The following SH3GL3 variants were observed in gnomAD, a reference collection of about 807,000 sequenced individuals.
The protein encoded by SH3GL3 is SH3 domain containing GRB2 like 3, endophilin A3.
In SH3GL3, 33 loss-of-function variants were observed where a neutral mutation model predicts 47.7. That is an observed-to-expected ratio of 0.69 (90% CI 0.52 to 0.92). The LOEUF (loss-of-function observed/expected upper bound fraction) is 0.92, where lower values mean the gene tolerates loss of function less well. Among genes scored for constraint, SH3GL3 ranks in the 40% least tolerant of loss-of-function variants. The pLI is 0.00. For synonymous variants in SH3GL3, 155 were observed against 148.8 expected (o/e 1.04, Z -0.30); for missense variants, 363 against 417.8 (o/e 0.87, Z 1.14).
intron 1 of SH3GL3, among the ~76,000 whole-genome samples, chr15:83,519,008 G>C (rs189959503): frequency 7.2e-4 from 110 of 152,070 alleles, no homozygotes; most frequent in African/African-American, 2.5e-3. Context: ...TGGGTTGTCT[G>C]TTCTGTTCCA....
At chr15:83,489,997 A>G (rs1387094915) in intron 1 of SH3GL3, among the ~76,000 whole-genome samples, 1 of 152,168 alleles carries the variant, frequency 6.6e-6, no homozygotes, top group Non-Finnish European at 1.5e-5. Flanking sequence ...ATAAAAGGGA[A>G]CCAAATACTG....
intron 4 of SH3GL3, among the ~76,000 whole-genome samples, chr15:83,569,140 G>A (rs1177886912): frequency 6.6e-6 from 1 of 152,072 alleles, no homozygotes; most frequent in African/African-American, 2.4e-5. Context: ...CAAGTGATCC[G>A]CCTGCCTCGG....
chr15:83,595,136 C>T (rs186199270), intron 8 of SH3GL3, among the ~76,000 whole-genome samples: 6 of 152,214 alleles, frequency 3.9e-5, no homozygotes, highest in South Asian at 2.1e-4. Flanking sequence ...ATAAAGAAAA[C>T]GTACTACATA....
chr15:83,583,271 A>G (rs117913448), intron 6 of SH3GL3, among the ~76,000 whole-genome samples: 1 of 152,024 alleles, frequency 6.6e-6, no homozygotes, highest in East Asian at 1.9e-4. Context: ...AGGGTGTGCT[A>G]CTCTCTGCTT....
intron 1 of SH3GL3, among the ~76,000 whole-genome samples, chr15:83,484,911 G>A (rs1010338443): frequency 2.0e-5 from 3 of 152,128 alleles, no homozygotes; most frequent in Non-Finnish European, 2.9e-5. Flanking sequence ...ACAACAATGT[G>A]TCTTAATTTA....
intron 1 of SH3GL3, among the ~76,000 whole-genome samples, chr15:83,469,483 AC>A (rs2040732297): frequency 6.6e-6 from 1 of 152,080 alleles, no homozygotes; most frequent in Admixed American, 6.5e-5. Context: ...CTTTTATCTC[AC>A]TTCAGTTGTG....
intron 2 of SH3GL3, among the ~76,000 whole-genome samples, chr15:83,563,709 G>A (rs1015740533): frequency 2.0e-5 from 3 of 151,888 alleles, no homozygotes; most frequent in Non-Finnish European, 4.4e-5. Context: ...CGTGATCTCG[G>A]CTCACTGCAA....
At chr15:83,615,657 C>T (rs1229430803) in intron 8 of SH3GL3, among the ~76,000 whole-genome samples, 3 of 152,082 alleles carry the variant, frequency 2.0e-5, no homozygotes, top group African/African-American at 7.3e-5. Context: ...TGATATGGTA[C>T]TGTTACCAAA....
intron 1 of SH3GL3, among the ~76,000 whole-genome samples, chr15:83,542,638 A>G (rs2044219254): frequency 6.6e-6 from 1 of 152,058 alleles, no homozygotes; most frequent in African/African-American, 2.4e-5. Context: ...GTCCTCTTCA[A>G]TTTTTTGCAT....
chr15:83,607,198 T>C (rs1324091649), intron 8 of SH3GL3, among the ~76,000 whole-genome samples: 7 of 152,218 alleles, frequency 4.6e-5, no homozygotes, highest in Admixed American at 2.6e-4. Flanking sequence ...TCTTAACATA[T>C]ACTCTATAAT....
intron 1 of SH3GL3, among the ~76,000 whole-genome samples, chr15:83,505,922 A>G (rs191729930): frequency 6.7e-4 from 102 of 152,272 alleles, no homozygotes; most frequent in African/African-American, 2.2e-3. Context: ...TTCTTTACAT[A>G]TTCTGGACAC....
intron 1 of SH3GL3, among the ~76,000 whole-genome samples, chr15:83,546,273 T>C (rs1334709580): frequency 6.6e-6 from 1 of 151,772 alleles, no homozygotes; most frequent in African/African-American, 2.4e-5. Flanking sequence ...TTGCTCTCCT[T>C]TCCTCAAGCA....
At chr15:83,602,087 A>G (rs1176263974) in intron 8 of SH3GL3, among the ~76,000 whole-genome samples, 1 of 152,164 alleles carries the variant, frequency 6.6e-6, no homozygotes, top group African/African-American at 2.4e-5. Flanking sequence ...GGCTGATGGC[A>G]GCTCTGCCAT....
chr15:83,587,617 C>A (rs1233232188), intron 7 of SH3GL3, among the ~76,000 whole-genome samples: 1 of 149,242 alleles, frequency 6.7e-6, no homozygotes, highest in Non-Finnish European at 1.5e-5. Context: ...TTGAAAGAGT[C>A]AAAATATTGA....
chr15:83,533,721 TG>T (rs2043783059), intron 1 of SH3GL3, among the ~76,000 whole-genome samples: 1 of 152,054 alleles, frequency 6.6e-6, no homozygotes, highest in African/African-American at 2.4e-5. Context: ...CCTCTGGGTT[TG>T]GAGTGTAGGA....
At chr15:83,612,498 A>G (rs572521381) in intron 8 of SH3GL3, among the ~76,000 whole-genome samples, 1 of 152,320 alleles carries the variant, frequency 6.6e-6, no homozygotes, top group East Asian at 1.9e-4. Flanking sequence ...ATTTGTTCAC[A>G]GTTCACAGGG....
chr15:83,482,651 A>G (rs1239611129), intron 1 of SH3GL3, among the ~76,000 whole-genome samples: 5 of 151,514 alleles, frequency 3.3e-5, no homozygotes, highest in Non-Finnish European at 7.4e-5. Context: ...GCACCACCAC[A>G]CCCGGCTAAC....
Position 83,448,668 on chromosome 15 carries a change from T to G in SH3GL3, c.45+1090T>G, listed in dbSNP as rs942596371. 2.0e-5 allele frequency among the ~76,000 whole-genome samples: 3 copies of G among 152,082 alleles called. No individual in the cohort carries two copies. Among genetic ancestry groups the G allele is most frequent in the South Asian group, 2.1e-4 (1 of 4,818 alleles). On this transcript the variant is annotated intron_variant, in intron 1 of 8. Coordinates refer to ENST00000427482, the MANE Select transcript of SH3GL3 (RefSeq NM_003027.5). This position sits in a 1 kb window ranked among gnomAD's most constrained non-coding sequence, Gnocchi z 4.2. ...GACAGATTTCATTCAACGTCCACAT[T>G]TGTGGTGAGGTCTCATCCTGCTTCT...
chr15:83,588,634 C>G, intron 7 of SH3GL3, 28 bp from the exon 8 acceptor site: 1 of 1,341,186 alleles, frequency 7.5e-7, no homozygotes, highest in Non-Finnish European at 1.1e-6. Flanking sequence ...CATCAGATGT[C>G]TGGCTCATCT....
Sources: gnomAD v4.1 joint callset for allele counts (sites outside exome capture counted in the v4.1 genomes callset) on GRCh38, gnomAD v4.1.1 for gene constraint, Gnocchi (gnomAD v3.1) non-coding constraint, MANE v1.5 for transcripts, NCBI Gene and HGNC (gene_info 2026-07-23, HGNC 2026-07-21) for gene names.